ADAM12: variants seen among roughly 807,000 people sequenced by gnomAD.
ADAM12 encodes the protein ADAM metallopeptidase domain 12.
Under a neutral mutation model 106.4 loss-of-function variants are expected in ADAM12, and 70 were observed. The observed-to-expected ratio is 0.66, with a 90% CI of 0.54 to 0.80. The LOEUF (loss-of-function observed/expected upper bound fraction) is 0.80, where lower values mean the gene tolerates loss of function less well. Ranked by LOEUF, ADAM12 falls within the 30% of genes least tolerant of loss-of-function variation. The probability of loss-of-function intolerance (pLI) is 0.00; values close to 1 mark genes in which losing one functional copy is unlikely to be tolerated. For synonymous variants in ADAM12, 420 were observed against 433.5 expected (o/e 0.97, Z 0.39); for missense variants, 1,010 against 1,171.9 (o/e 0.86, Z 2.02).
At chr10:126,326,145 A>G (rs1476604085) in intron 2 of ADAM12, among the ~76,000 whole-genome samples, 1 of 152,202 alleles carries the variant, frequency 6.6e-6, no homozygotes, top group South Asian at 2.1e-4. Context: ...CATTGGATGC[A>G]GCATCAATTT....
intron 2 of ADAM12, among the ~76,000 whole-genome samples, chr10:126,329,476 A>C (rs1351449723): frequency 6.6e-6 from 1 of 152,230 alleles, no homozygotes; most frequent in East Asian, 1.9e-4. Flanking sequence ...TCCAGAAAAT[A>C]TCAACACCAC....
At chr10:126,257,435 A>G (rs1296595689) in intron 3 of ADAM12, among the ~76,000 whole-genome samples, 2 of 152,224 alleles carry the variant, frequency 1.3e-5, no homozygotes, top group Admixed American at 6.5e-5. Context: ...GATCTGACTC[A>G]ATACAACTTA....
chr10:126,148,091 C>A (rs1956662249), intron 4 of ADAM12, among the ~76,000 whole-genome samples: 1 of 152,000 alleles, frequency 6.6e-6, no homozygotes, highest in Admixed American at 6.6e-5. Flanking sequence ...ATGTGGGCAG[C>A]AAAGGATAAA....
At chr10:126,311,442 C>T (rs768147130) in intron 2 of ADAM12, among the ~76,000 whole-genome samples, 1 of 152,006 alleles carries the variant, frequency 6.6e-6, no homozygotes, top group African/African-American at 2.4e-5. Context: ...GTCTCTGCCC[C>T]CTGTTCCTGG....
At chr10:126,074,342 A>G (rs1955057657) in intron 11 of ADAM12, among the ~76,000 whole-genome samples, 2 of 152,182 alleles carry the variant, frequency 1.3e-5, no homozygotes, top group South Asian at 4.1e-4. Flanking sequence ...GGGATTGGAG[A>G]GCTGAGACCA....
rs546051032 is a variant in ADAM12 at position 126,064,122 on chromosome 10, G to A, written c.1609+684C>T. Among the ~76,000 whole-genome samples the A allele has an allele frequency of 3.3e-5, 5 of 152,312 alleles. No individual in the cohort carries two copies. Among genetic ancestry groups the A allele is most frequent in the African/African-American group, 1.2e-4 (5 of 41,556 alleles). ...CCCCACTTCAGGGGCTTGTTGGAGG[G>A]TCAGAAGAGACAAAGTGTGCCAAGT... On this transcript the variant is annotated intron_variant, in intron 14 of 22. Transcript: ENST00000448723. The surrounding 1 kb of genome is among the most constrained non-coding windows in gnomAD (Gnocchi z 4.4).
chr10:126,345,419 G>C (rs749950286), intron 1 of ADAM12, among the ~76,000 whole-genome samples: 1 of 152,080 alleles, frequency 6.6e-6, no homozygotes, highest in Non-Finnish European at 1.5e-5. Flanking sequence ...TGCTGGATTC[G>C]GTTTGCCAGT....
chr10:126,036,129 T>C lies in ADAM12; in HGVS notation c.2529+17A>G. The stretch of plus-strand genomic sequence containing the variant: ...GGATTTGAACTACATCCTATCATAT[T>C]AGTACTGAAAGCATACCTGGGCCTG... On this transcript the variant is annotated intron_variant, in intron 21 of 22. Coordinates refer to ENST00000448723, the MANE Select transcript of ADAM12 (RefSeq NM_001288973.2). 7.0e-7 allele frequency: 1 copy of C among 1,423,730 alleles called. No individual in the cohort carries two copies. The highest frequency in any genetic ancestry group is 9.2e-7 in the Non-Finnish European group (1 of 1,088,314). The allele number at this position is 1,423,730 out of a possible 1,614,324, so 88.2% of individuals were successfully genotyped here.
rs548060968 is a variant in ADAM12 at position 126,300,599 on chromosome 10, G to C, written c.187-21611C>G. 2.0e-5 allele frequency among the ~76,000 whole-genome samples: 3 copies of C among 152,208 alleles called. No individual in the cohort carries two copies. The South Asian group carries it at 6.2e-4, about 32-fold the overall frequency. On this transcript the variant is annotated intron_variant, in intron 2 of 22. Transcript: ENST00000448723. Reference sequence around the variant, plus strand: ...AAAAAGACGGTTTTGTTAAATGAAAGTACTGTTTCATTATCTCTGCTATTA... The same window carrying C: ...AAAAAGACGGTTTTGTTAAATGAAACTACTGTTTCATTATCTCTGCTATTA...
At chr10:126,307,890 G>A (rs1374993273) in intron 2 of ADAM12, among the ~76,000 whole-genome samples, 1 of 152,202 alleles carries the variant, frequency 6.6e-6, no homozygotes, top group African/African-American at 2.4e-5. Context: ...AGCGTGCCTG[G>A]CCCTCATGCC....
At chr10:126,017,973 AAAAT>A (rs1466881700) in intron 22 of ADAM12, among the ~76,000 whole-genome samples, 1 of 152,250 alleles carries the variant, frequency 6.6e-6, no homozygotes. Flanking sequence ...TAGAACAAGA[AAAAT>A]AACTTCAAGA....
chr10:126,259,706 C>T (rs1210807266), intron 3 of ADAM12, among the ~76,000 whole-genome samples: 1 of 152,232 alleles, frequency 6.6e-6, no homozygotes, highest in South Asian at 2.1e-4. Flanking sequence ...CTTCTCCACA[C>T]ATGAGGGAAT....
intron 1 of ADAM12, among the ~76,000 whole-genome samples, chr10:126,364,308 C>T (rs1436180495): frequency 6.6e-6 from 1 of 151,510 alleles, no homozygotes; most frequent in African/African-American, 2.4e-5. Context: ...ATTTTTATAG[C>T]AATTCTTTAT....
chr10:126,241,909 G>A (rs950206236), intron 3 of ADAM12, among the ~76,000 whole-genome samples: 5 of 151,516 alleles, frequency 3.3e-5, no homozygotes, highest in African/African-American at 1.2e-4. Flanking sequence ...AATGCTATTT[G>A]GAATTCTCCA....
At chr10:126,272,458 G>C (rs1959182631) in intron 3 of ADAM12, among the ~76,000 whole-genome samples, 2 of 152,144 alleles carry the variant, frequency 1.3e-5, no homozygotes, top group Admixed American at 1.3e-4. Flanking sequence ...GGAGGCATGA[G>C]CAAGCACATT....
chr10:126,160,715 G>T (rs539408744), intron 3 of ADAM12, among the ~76,000 whole-genome samples: 128 of 152,278 alleles, frequency 8.4e-4, no homozygotes, highest in African/African-American at 3.1e-3. Context: ...GTGTCTTCTT[G>T]TTGGCCCTGG....
Position 126,206,860 on chromosome 10 carries a change from CG to C in ADAM12, c.261-51556del, listed in dbSNP as rs907511503. Among the ~76,000 whole-genome samples, 391 of 97,830 alleles carry C rather than the reference CG, an allele frequency of 4.0e-3. 19 individuals are homozygous for C. The highest frequency in any genetic ancestry group is 8.1e-3 in the Middle Eastern group (1 of 124). The allele number at this position is 97,830 out of a possible 152,430, so 64.2% of individuals were successfully genotyped here. A position where few individuals can be genotyped will look rare whatever the true frequency, so the allele number is the denominator to read the frequency against. ...CCTGAATTCCCATGTGTTGTGGGGG[CG>C]GGGGGGAGCCAGTGGGAGGTAATTG... On this transcript the variant is annotated intron_variant, in intron 3 of 22. Transcript: ENST00000448723.
chr10:126,018,866 A>G lies in ADAM12; in HGVS notation c.2660+829T>C, dbSNP rs1024922009. 4.1e-4 allele frequency among the ~76,000 whole-genome samples: 63 copies of G among 152,018 alleles called. 1 individual carries two copies. The highest frequency in any genetic ancestry group is 8.8e-5 in the Non-Finnish European group (6 of 68,006). On this transcript the variant is annotated intron_variant, in intron 22 of 22. Transcript: ENST00000448723. Reference sequence around the variant, plus strand: ...AGGCAGCTGCTTTCCCTTACTCCCCATATGTCCCTTGCTCCAGCCGTATGC... The same window carrying G: ...AGGCAGCTGCTTTCCCTTACTCCCCGTATGTCCCTTGCTCCAGCCGTATGC...
At chr10:126,121,273 T>TATAATATACTATATTATATTATAC (rs1956103302) in intron 5 of ADAM12, among the ~76,000 whole-genome samples, 1 of 112,484 alleles carries the variant, frequency 8.9e-6, no homozygotes, top group African/African-American at 3.6e-5. Context: ...TTATATAATA[T>TATAATATACTATATTATATTATAC]ATAATATACT....
Sources: allele counts gnomAD v4.1 joint callset (sites outside exome capture counted in the v4.1 genomes callset), GRCh38; gene constraint gnomAD v4.1.1; non-coding constraint Gnocchi (gnomAD v3.1); transcripts MANE v1.5; gene names NCBI Gene and HGNC (gene_info 2026-07-23, HGNC 2026-07-21).